KCNIP4: variants seen among roughly 807,000 people sequenced by gnomAD.
The protein encoded by KCNIP4 is Kv channel-interacting protein 4.
Under a neutral mutation model 34.0 loss-of-function variants are expected in KCNIP4, and 12 were observed. The ratio of observed to expected loss-of-function variants is 0.35; its 90% CI spans 0.23 to 0.57. The LOEUF (loss-of-function observed/expected upper bound fraction) is 0.57. KCNIP4 is among the 20% of genes least tolerant of loss of function. The probability of loss-of-function intolerance (pLI) is 0.83; values close to 1 mark genes in which losing one functional copy is unlikely to be tolerated. For missense variants in KCNIP4, 238 were observed against 311.7 expected, an observed-to-expected ratio of 0.76 and a Z score of 1.78; for synonymous variants, 124 against 102.2, an observed-to-expected ratio of 1.21 and a Z score of -1.29.
intron 1 of KCNIP4, chr4:21,613,783 T>C (rs1744359596): frequency 6.6e-6 from 1 of 151,992 alleles, no homozygotes; most frequent in Admixed American, 6.6e-5. Context: ...TCTAGAAAAA[T>C]ATTCTACAGG....
chr4:21,798,474 C>T (rs548149097), intron 1 of KCNIP4, among the ~76,000 whole-genome samples: 1 of 121,444 alleles, frequency 8.2e-6, no homozygotes, highest in South Asian at 2.6e-4. Flanking sequence ...ACTTGGGAGG[C>T]TGAGCACTCC....
intron 1 of KCNIP4, among the ~76,000 whole-genome samples, chr4:21,729,552 T>C (rs948865079): frequency 2.0e-5 from 3 of 150,396 alleles, no homozygotes; most frequent in Non-Finnish European, 4.4e-5. Flanking sequence ...CTATGGAGCC[T>C]CAAGTGTTTT....
chr4:21,475,178 T>A lies in KCNIP4; in HGVS notation c.61+473393A>T, dbSNP rs764744262. On this transcript the variant is annotated intron_variant, in intron 1 of 8. Coordinates refer to ENST00000382152, the MANE Select transcript of KCNIP4 (RefSeq NM_025221.6). Reference sequence around the variant, plus strand: ...GGCCAATATATTCTTTCTAAAATACTGTTAAAAGACACACAGGAGAATATA... The same window carrying A: ...GGCCAATATATTCTTTCTAAAATACAGTTAAAAGACACACAGGAGAATATA... Among the ~76,000 whole-genome samples the A allele has an allele frequency of 3.3e-5, 5 of 152,346 alleles. No homozygotes were observed. The South Asian group carries it at 1.0e-3, about 32-fold the overall frequency.
At position 21,659,506 on chromosome 4, in the gene KCNIP4, A is replaced by G. The variant is rs567361958; in HGVS notation, c.61+289065T>C. Reference sequence around the variant, plus strand: ...TGGTAGTCAAGTCCATTTTATTTCTATCTTCATTTCTCCTCAGCATTAATT... The same window carrying G: ...TGGTAGTCAAGTCCATTTTATTTCTGTCTTCATTTCTCCTCAGCATTAATT... On this transcript the variant is annotated intron_variant, in intron 1 of 8. Coordinates refer to ENST00000382152, the MANE Select transcript of KCNIP4 (RefSeq NM_025221.6). Among the ~76,000 whole-genome samples the G allele has an allele frequency of 1.5e-3, 232 of 152,240 alleles. 2 individuals carry two copies. The highest frequency in any genetic ancestry group is 2.5e-3 in the Non-Finnish European group (171 of 67,984).
intron 1 of KCNIP4, among the ~76,000 whole-genome samples, chr4:21,404,275 CTTGT>C (rs1239836514): frequency 6.6e-6 from 1 of 152,218 alleles, no homozygotes; most frequent in African/African-American, 2.4e-5. Context: ...AAAAATTTCA[CTTGT>C]TTATTATTTT....
intron 1 of KCNIP4, among the ~76,000 whole-genome samples, chr4:21,793,554 G>A (rs185776539): frequency 5.9e-5 from 9 of 152,078 alleles, no homozygotes; most frequent in South Asian, 4.2e-4. Flanking sequence ...TACCATGACC[G>A]GCCTGACAAG....
chr4:21,747,978 C>A (rs2109139685), intron 1 of KCNIP4, among the ~76,000 whole-genome samples: 1 of 152,230 alleles, frequency 6.6e-6, no homozygotes, highest in East Asian at 1.9e-4. Context: ...CAAGGAACAT[C>A]AGGAGCCACC....
At position 20,882,627 on chromosome 4, in the gene KCNIP4, C is replaced by G; in HGVS notation, c.144G>C (p.Thr48=). The change falls in exon 2 of 9, where the codon ACG becomes ACC. Residue 48 remains threonine (T), a synonymous_variant. Coordinates refer to ENST00000382152, the MANE Select transcript of KCNIP4 (RefSeq NM_025221.6). ...MKLLPCSAAK[T]SSPAIQNSVE... ...ACTTGCTTTGAATAGCAGGAGACGACGTTTTGGCAGCTGAGCAGGGCAAGA... is the reference window on the plus strand; with the variant it reads ...ACTTGCTTTGAATAGCAGGAGACGAGGTTTTGGCAGCTGAGCAGGGCAAGA... 1.2e-6 allele frequency: 2 copies of G among 1,612,838 alleles called. No individual in the cohort carries two copies. Among genetic ancestry groups the G allele is most frequent in the Non-Finnish European group, 1.7e-6 (2 of 1,179,506 alleles).
chr4:21,256,126 C>T (rs942749320), intron 1 of KCNIP4, among the ~76,000 whole-genome samples: 1 of 152,006 alleles, frequency 6.6e-6, no homozygotes, highest in East Asian at 1.9e-4. Flanking sequence ...TAAGAAACTA[C>T]TTCTATGTGG....
chr4:21,818,195 C>T lies in KCNIP4; in HGVS notation c.61+130376G>A, dbSNP rs180787308. ...ATACTGTCTCTCTTTCTCAGCCGGC[C>T]GACACTTATGGAAAATAGAAAGAAC... On this transcript the variant is annotated intron_variant, in intron 1 of 8. Coordinates refer to ENST00000382152, the MANE Select transcript of KCNIP4 (RefSeq NM_025221.6). Among the ~76,000 whole-genome samples the T allele has an allele frequency of 2.9e-3, 447 of 152,194 alleles. 5 individuals are homozygous for T. Among genetic ancestry groups the T allele is most frequent in the African/African-American group, 0.01 (427 of 41,528 alleles).
At chr4:20,863,677 C>CT (rs1722448197) in intron 2 of KCNIP4, among the ~76,000 whole-genome samples, 1 of 150,482 alleles carries the variant, frequency 6.6e-6, no homozygotes, top group Admixed American at 6.7e-5. Flanking sequence ...AGCTTAAAGG[C>CT]TAGAAGCAAG....
intron 1 of KCNIP4, among the ~76,000 whole-genome samples, chr4:21,167,955 A>T (rs1478793979): frequency 6.6e-6 from 1 of 152,302 alleles, no homozygotes; most frequent in African/African-American, 2.4e-5. Flanking sequence ...TGATATTTTG[A>T]TCAGGCCACC....
chr4:21,856,059 C>T (rs528586870), intron 1 of KCNIP4, among the ~76,000 whole-genome samples: 7 of 152,314 alleles, frequency 4.6e-5, no homozygotes, highest in Non-Finnish European at 8.8e-5. Flanking sequence ...TAGTAGCTGC[C>T]TCATAAGGAA....
chr4:21,063,281 A>G (rs76380030), intron 1 of KCNIP4, among the ~76,000 whole-genome samples: 14,855 of 152,142 alleles, frequency 0.098, 899 homozygotes, highest in African/African-American at 0.17. Flanking sequence ...CAACTTTGTT[A>G]TGGCTAGCTT....
At chr4:21,005,139 AAAAC>A (rs368221256) in intron 1 of KCNIP4, among the ~76,000 whole-genome samples, 13 of 152,304 alleles carry the variant, frequency 8.5e-5, no homozygotes, top group African/African-American at 2.9e-4. Flanking sequence ...GTTCCTTGTA[AAAAC>A]AAACAAACAA....
chr4:21,621,383 A>T (rs1283757270), intron 1 of KCNIP4, among the ~76,000 whole-genome samples: 3 of 152,048 alleles, frequency 2.0e-5, no homozygotes, highest in Non-Finnish European at 4.4e-5. Flanking sequence ...TTTTCCTGAG[A>T]TAGGGTCTTG....
intron 2 of KCNIP4, among the ~76,000 whole-genome samples, chr4:20,865,245 G>C (rs1040741658): frequency 3.3e-5 from 5 of 151,984 alleles, no homozygotes; most frequent in African/African-American, 1.2e-4. Context: ...GTAATGGAGG[G>C]AACATAAAGT....
intron 1 of KCNIP4, among the ~76,000 whole-genome samples, chr4:21,474,524 C>T (rs1187636099): frequency 6.6e-6 from 1 of 152,090 alleles, no homozygotes; most frequent in Non-Finnish European, 1.5e-5. Flanking sequence ...GTGAAAGTCT[C>T]CCTACTCTCC....
At chr4:21,695,357 C>A (rs1712194830) in intron 1 of KCNIP4, among the ~76,000 whole-genome samples, 1 of 151,678 alleles carries the variant, frequency 6.6e-6, no homozygotes, top group African/African-American at 2.4e-5. Flanking sequence ...TTTCTCAGGT[C>A]ATAAATCTAT....
Sources: gnomAD v4.1 joint callset for allele counts (sites outside exome capture counted in the v4.1 genomes callset) on GRCh38, gnomAD v4.1.1 for gene constraint, MANE v1.5 for transcripts, NCBI Gene and HGNC (gene_info 2026-07-23, HGNC 2026-07-21) for gene names.